Variants in KSR1 observed in about 807,000 individuals in gnomAD.
KSR1 encodes kinase suppressor of ras.
Under a neutral mutation model 92.9 loss-of-function variants are expected in KSR1, and 35 were observed. The observed-to-expected ratio is 0.38, with a 90% confidence interval of 0.29 to 0.50. KSR1 has a LOEUF of 0.50. Ranked by LOEUF, KSR1 falls within the 20% of genes least tolerant of loss-of-function variation. KSR1 has a pLI of 0.94. For missense variants in KSR1, 972 were observed against 1,158.5 expected (o/e 0.84, Z 2.34); for synonymous variants, 467 against 472.6 (o/e 0.99, Z 0.15).
intron 1 of KSR1, among the ~76,000 whole-genome samples, chr17:27,527,488 C>T (rs1045376338): frequency 4.5e-5 from 5 of 112,312 alleles, no homozygotes; most frequent in South Asian, 3.3e-4. Flanking sequence ...CTGCAACCTC[C>T]GCCTCCTGGC....
intron 1 of KSR1, among the ~76,000 whole-genome samples, chr17:27,523,817 G>A (rs1173628239): frequency 6.6e-6 from 1 of 152,192 alleles, no homozygotes; most frequent in East Asian, 1.9e-4. Context: ...TGAATGAACT[G>A]GAGAAGGATG....
At chr17:27,491,334 TGTGTGTGTGTG>T (rs2068820991) in intron 1 of KSR1, among the ~76,000 whole-genome samples, 1 of 139,330 alleles carries the variant, frequency 7.2e-6, no homozygotes, top group Admixed American at 7.3e-5. Flanking sequence ...TGTGTGTGTG[TGTGTGTGTGTG>T]TGTGTGTTGG....
At chr17:27,619,710 T>C (rs1454808252) in intron 19 of KSR1, among the ~76,000 whole-genome samples, 4 of 123,394 alleles carry the variant, frequency 3.2e-5, no homozygotes, top group Non-Finnish European at 8.0e-5. Context: ...AGGCCTTGTC[T>C]TTTATTTTTT....
intron 1 of KSR1, among the ~76,000 whole-genome samples, chr17:27,496,830 G>T (rs2069004382): frequency 1.3e-5 from 2 of 152,238 alleles, no homozygotes; most frequent in Non-Finnish European, 2.9e-5. Flanking sequence ...GGGATACCGA[G>T]GGGCTGGCCG....
At chr17:27,603,069 G>A (rs965248657) in intron 11 of KSR1, among the ~76,000 whole-genome samples, 13 of 152,344 alleles carry the variant, frequency 8.5e-5, no homozygotes, top group East Asian at 3.9e-4. Context: ...GGAGTGAGCC[G>A]TCCATGGCGG....
At chr17:27,563,373 C>T (rs2948523) in intron 2 of KSR1, among the ~76,000 whole-genome samples, 84,497 of 151,850 alleles carry the variant, frequency 0.56, 23,859 homozygotes, top group Admixed American at 0.67. Flanking sequence ...AAGTTATTCT[C>T]CTCCTCCCCA....
Position 27,577,048 on chromosome 17 carries a change from G to GTTTT in KSR1, c.373-435_373-432dup, listed in dbSNP as rs11375064. Among the ~76,000 whole-genome samples, 1 of 147,240 alleles carries GTTTT rather than the reference G, an allele frequency of 6.8e-6. No individual in the cohort carries two copies. Among genetic ancestry groups the GTTTT allele is most frequent in the Non-Finnish European group, 1.5e-5 (1 of 66,812 alleles). Reference sequence around the variant, plus strand: ...CTGCAGTGTTTGGTGAGGTTTTTTTGTTTTTTTTTTTTAAATCCTTCCTTT... The same window carrying GTTTT: ...CTGCAGTGTTTGGTGAGGTTTTTTTGTTTTTTTTTTTTTTTTAAATCCTTCCTTT... On this transcript the variant is annotated intron_variant, in intron 2 of 20. Coordinates refer to ENST00000644974, the MANE Select transcript of KSR1 (RefSeq NM_001394583.1). The surrounding 1 kb of genome is among the most constrained non-coding windows in gnomAD (Gnocchi z 4.5).
chr17:27,557,209 C>T (rs926053886), intron 2 of KSR1, among the ~76,000 whole-genome samples: 2 of 152,130 alleles, frequency 1.3e-5, no homozygotes, highest in African/African-American at 4.8e-5. Flanking sequence ...TCTGCCTGAC[C>T]CTGAAGTTTG....
chr17:27,462,907 C>T (rs2019516485), intron 1 of KSR1, among the ~76,000 whole-genome samples: 1 of 152,224 alleles, frequency 6.6e-6, no homozygotes, highest in African/African-American at 2.4e-5. Context: ...TGTATCAGCA[C>T]ATATACATAT....
chr17:27,583,977 C>A, intron 4 of KSR1: 1 of 984,688 alleles, frequency 1.0e-6, no homozygotes, highest in Non-Finnish European at 1.2e-6. Context: ...TAATTAAACC[C>A]CATTTGTTTG....
chr17:27,545,372 C>A (rs1015827945), intron 1 of KSR1, among the ~76,000 whole-genome samples: 3 of 152,208 alleles, frequency 2.0e-5, no homozygotes, highest in Non-Finnish European at 4.4e-5. Flanking sequence ...GTGTGTTCAT[C>A]CTTTCAACAA....
intron 1 of KSR1, among the ~76,000 whole-genome samples, chr17:27,532,454 A>G (rs940011): frequency 0.41 from 62,510 of 152,132 alleles, 13,536 homozygotes; most frequent in African/African-American, 0.54. Flanking sequence ...TCCAGCCCGC[A>G]GCACTTGAGA....
chr17:27,509,913 A>C (rs1209743351), intron 1 of KSR1, among the ~76,000 whole-genome samples: 4 of 152,240 alleles, frequency 2.6e-5, no homozygotes, highest in African/African-American at 7.2e-5. Flanking sequence ...GAGCAGGGGC[A>C]ATACCCAGCC....
At chr17:27,546,159 A>G (rs1396653661) in intron 1 of KSR1, among the ~76,000 whole-genome samples, 1 of 152,230 alleles carries the variant, frequency 6.6e-6, no homozygotes, top group Admixed American at 6.5e-5. Context: ...TGTGAGAAAC[A>G]TGGGGATAAG....
chr17:27,564,482 T>TTA (rs2071977564), intron 2 of KSR1, among the ~76,000 whole-genome samples: 2 of 152,172 alleles, frequency 1.3e-5, no homozygotes, highest in Non-Finnish European at 2.9e-5. Flanking sequence ...GCAATACAAA[T>TTA]CCAAGGAAGT....
intron 18 of KSR1, 116 bp from the exon 19 acceptor site, chr17:27,617,179 G>T (rs751719301): frequency 2.6e-6 from 3 of 1,148,592 alleles, no homozygotes; most frequent in Non-Finnish European, 3.5e-6. Flanking sequence ...TGTTCAGGGG[G>T]CCGCCAGTTA....
chr17:27,566,099 C>T (rs547588202), intron 2 of KSR1, among the ~76,000 whole-genome samples: 9 of 152,240 alleles, frequency 5.9e-5, no homozygotes, highest in Non-Finnish European at 1.2e-4. Context: ...TGGGGGTTCC[C>T]CAGATGATTC....
At chr17:27,461,930 G>A (rs188558513) in intron 1 of KSR1, among the ~76,000 whole-genome samples, 439 of 107,638 alleles carry the variant, frequency 4.1e-3, no homozygotes, top group Non-Finnish European at 7.7e-3. Context: ...CTGCAATGCC[G>A]GGGAGAAGCA....
rs1009836036 is a variant in KSR1, at chr17:27,591,951, C to T, written c.1131-410C>T. On this transcript the variant is annotated intron_variant, in intron 7 of 20. Coordinates refer to ENST00000644974, the MANE Select transcript of KSR1 (RefSeq NM_001394583.1). The stretch of plus-strand genomic sequence containing the variant: ...TGCACAAATGTAGCCGGAGGGGCTG[C>T]CCTTTGGGTCCCTGGGATTCTTTGG... Among the ~76,000 whole-genome samples, 4 of 152,340 alleles carry T rather than the reference C, an allele frequency of 2.6e-5. No homozygotes were observed. In the South Asian group the frequency reaches 8.3e-4, roughly 32 times the overall value.
Sources: gnomAD v4.1 joint callset for allele counts (sites outside exome capture counted in the v4.1 genomes callset) on GRCh38, gnomAD v4.1.1 for gene constraint, Gnocchi (gnomAD v3.1) non-coding constraint, MANE v1.5 for transcripts, NCBI Gene and HGNC (gene_info 2026-07-23, HGNC 2026-07-21) for gene names.